Variants in KCNMB2 observed in about 807,000 individuals in gnomAD.
KCNMB2 encodes the protein potassium calcium-activated channel subfamily M regulatory beta subunit 2.
Under a neutral mutation model 24.5 loss-of-function variants are expected in KCNMB2, and 9 were observed. That is an observed-to-expected ratio of 0.37 (90% CI 0.22 to 0.64). The LOEUF (loss-of-function observed/expected upper bound fraction) is 0.64, where lower values mean the gene tolerates loss of function less well. Among genes scored for constraint, KCNMB2 ranks in the 30% least tolerant of loss-of-function variants. The pLI, the probability that KCNMB2 is intolerant of heterozygous loss-of-function variation, is 0.63. For synonymous variants in KCNMB2, 109 were observed against 104.4 expected (o/e 1.04, Z -0.27); for missense variants, 226 against 284.3 (o/e 0.79, Z 1.47).
intron 1 of KCNMB2, among the ~76,000 whole-genome samples, chr3:178,577,144 C>G (rs554898925): frequency 1.3e-5 from 2 of 152,280 alleles, no homozygotes; most frequent in East Asian, 1.9e-4. Context: ...GGGTGCCTCT[C>G]TGGGACAAAG....
At chr3:178,729,651 C>A (rs1352909288) in intron 1 of KCNMB2, among the ~76,000 whole-genome samples, 1 of 152,194 alleles carries the variant, frequency 6.6e-6, no homozygotes, top group Non-Finnish European at 1.5e-5. Flanking sequence ...AAAATGACCA[C>A]ATTGGGCAGA....
At chr3:178,612,570 G>C (rs935916667) in intron 1 of KCNMB2, among the ~76,000 whole-genome samples, 1 of 151,692 alleles carries the variant, frequency 6.6e-6, no homozygotes, top group African/African-American at 2.4e-5. Flanking sequence ...GCTCTTTTTT[G>C]TTTTTATTGG....
chr3:178,708,575 G>A (rs566193124), intron 1 of KCNMB2, among the ~76,000 whole-genome samples: 101 of 152,154 alleles, frequency 6.6e-4, no homozygotes, highest in African/African-American at 2.2e-3. Flanking sequence ...ACCATAGTGT[G>A]GCCTTAGAGT....
chr3:178,829,962 CAG>C (rs1316952890), intron 4 of KCNMB2, among the ~76,000 whole-genome samples: 1 of 152,062 alleles, frequency 6.6e-6, no homozygotes, highest in Non-Finnish European at 1.5e-5. Context: ...GTATGACAAA[CAG>C]ATTCGTAACC....
At chr3:178,630,358 T>C (rs567192724) in intron 1 of KCNMB2, among the ~76,000 whole-genome samples, 1 of 152,244 alleles carries the variant, frequency 6.6e-6, no homozygotes, top group Non-Finnish European at 1.5e-5. Flanking sequence ...AAATAAGTGT[T>C]CCAGCATCTC....
intron 1 of KCNMB2, among the ~76,000 whole-genome samples, chr3:178,796,841 C>T (rs1313856501): frequency 2.0e-5 from 3 of 151,532 alleles, no homozygotes; most frequent in East Asian, 1.9e-4. Context: ...TCTCAAAGAA[C>T]TAAAAAAGCA....
intron 1 of KCNMB2, among the ~76,000 whole-genome samples, chr3:178,624,602 T>C (rs1298051691): frequency 1.3e-5 from 2 of 151,654 alleles, no homozygotes; most frequent in Non-Finnish European, 1.5e-5. Context: ...TTCTTTCTTT[T>C]TTTTTTTTTT....
At chr3:178,798,789 AGGTG>A (rs1713656387) in intron 1 of KCNMB2, among the ~76,000 whole-genome samples, 1 of 152,066 alleles carries the variant, frequency 6.6e-6, no homozygotes, top group Admixed American at 6.6e-5. Context: ...CTTAATTACT[AGGTG>A]ATGGGTTGAT....
At chr3:178,551,960 G>A (rs1387657822) in intron 1 of KCNMB2, among the ~76,000 whole-genome samples, 1 of 152,128 alleles carries the variant, frequency 6.6e-6, no homozygotes, top group East Asian at 1.9e-4. Context: ...AGGTGTGCAG[G>A]TCTGGACTGT....
At chr3:178,690,903 T>G (rs1377622655) in intron 1 of KCNMB2, among the ~76,000 whole-genome samples, 1 of 152,026 alleles carries the variant, frequency 6.6e-6, no homozygotes, top group Non-Finnish European at 1.5e-5. Flanking sequence ...ATAGGTCAAT[T>G]AAGGCCTTTG....
At chr3:178,727,228 G>T (rs914711344) in intron 1 of KCNMB2, among the ~76,000 whole-genome samples, 2 of 152,010 alleles carry the variant, frequency 1.3e-5, no homozygotes, top group Non-Finnish European at 2.9e-5. Context: ...CTAATCCAAA[G>T]TTCCCATCTG....
intron 1 of KCNMB2, among the ~76,000 whole-genome samples, chr3:178,573,035 A>G (rs902610280): frequency 2.7e-5 from 4 of 150,198 alleles, no homozygotes; most frequent in African/African-American, 9.8e-5. Flanking sequence ...TTTTTTTTTT[A>G]GACAGAATCT....
Position 178,811,935 on chromosome 3 carries a change from C to T in KCNMB2, c.56+4470C>T, listed in dbSNP as rs1350816776. Among the ~76,000 whole-genome samples, 4 of 152,160 alleles carry T rather than the reference C, an allele frequency of 2.6e-5. No individual in the cohort carries two copies. In the South Asian group the frequency reaches 6.2e-4, roughly 24 times the overall value. On this transcript the variant is annotated intron_variant, in intron 2 of 4. Transcript: ENST00000452583. ...ATGAGATTGAGTATATTTCCTTAGT[C>T]GTTTTTTCTGAGTTGACTGTTTAAA...
chr3:178,714,643 A>G (rs1722560918), intron 1 of KCNMB2, among the ~76,000 whole-genome samples: 3 of 152,218 alleles, frequency 2.0e-5, no homozygotes, highest in Admixed American at 1.3e-4. Context: ...TTGCAATAAT[A>G]ATGAGAAGAC....
chr3:178,583,254 T>G (rs1339716580), intron 1 of KCNMB2, among the ~76,000 whole-genome samples: 1 of 152,166 alleles, frequency 6.6e-6, no homozygotes, highest in Non-Finnish European at 1.5e-5. Flanking sequence ...TATAGGATAT[T>G]TGGCTGTTTA....
chr3:178,718,627 G>A (rs1006650822), intron 1 of KCNMB2, among the ~76,000 whole-genome samples: 4 of 152,190 alleles, frequency 2.6e-5, no homozygotes, highest in Non-Finnish European at 4.4e-5. Flanking sequence ...TAGATTAGGT[G>A]AGCTATAAAT....
chr3:178,684,998 A>T, intron 1 of KCNMB2, among the ~76,000 whole-genome samples: 1 of 152,222 alleles, frequency 6.6e-6, no homozygotes, highest in South Asian at 2.1e-4. Context: ...AAATGCATAC[A>T]TCTTTTATCT....
At chr3:178,588,865 A>G (rs1426132301) in intron 1 of KCNMB2, among the ~76,000 whole-genome samples, 1 of 152,152 alleles carries the variant, frequency 6.6e-6, no homozygotes, top group East Asian at 1.9e-4. Context: ...TCAAAGGACT[A>G]TTGTAAGTAA....
rs748024474 is a variant in KCNMB2, at chr3:178,703,219, G to A, written c.-67-104124G>A. Among the ~76,000 whole-genome samples the A allele has an allele frequency of 7.9e-5, 12 of 152,134 alleles. 1 individual carries two copies. Among genetic ancestry groups the A allele is most frequent in the Admixed American group, 5.2e-4 (8 of 15,262 alleles). ...TCAGGGCTCCTATTTGCTAAGTGCC[G>A]AATACATTCTTATCTCTATCAGGTA... On this transcript the variant is annotated intron_variant, in intron 1 of 4. Transcript: ENST00000452583.
Sources: gnomAD v4.1 joint callset for allele counts (sites outside exome capture counted in the v4.1 genomes callset) on GRCh38, gnomAD v4.1.1 for gene constraint, MANE v1.5 for transcripts, NCBI Gene and HGNC (gene_info 2026-07-23, HGNC 2026-07-21) for gene names.